The following CEACAM8 variants were observed in gnomAD, a reference collection of about 807,000 sequenced individuals.
CEACAM8 encodes the protein cell adhesion molecule CEACAM8.
Under a neutral mutation model 33.4 loss-of-function variants are expected in CEACAM8, and 31 were observed. The ratio of observed to expected loss-of-function variants is 0.93; its 90% confidence interval spans 0.70 to 1.25. CEACAM8 has a LOEUF of 1.25. CEACAM8 is among the 50% of genes most tolerant of loss of function. The pLI is 0.00. For synonymous variants in CEACAM8, 138 were observed against 164.5 expected (o/e 0.84, Z 1.23); for missense variants, 388 against 434.6 (o/e 0.89, Z 0.95).
Position 42,589,480 on chromosome 19 carries a change from T to C in CEACAM8, c.680A>G (p.Asp227Gly). The C allele has an allele frequency of 6.2e-7, 1 of 1,614,184 alleles. No individual in the cohort carries two copies. Among genetic ancestry groups the C allele is most frequent in the Non-Finnish European group, 8.5e-7 (1 of 1,180,026 alleles). The stretch of plus-strand genomic sequence containing the variant: ...ACAGAGGACATTCAGGGTGACTGGG[T>C]CACTGAAGTTTGCACTCGCTGGGTT... ...IQNPASANFS[D>G]PVTLNVLYGP... The change falls in exon 3 of 6, where the codon GAC (aspartate) becomes GGC (glycine). Residue 227 changes from aspartate to glycine, a missense_variant. By Grantham distance (94) the Asp-to-Gly change is moderately conservative (BLOSUM62 -1). Transcript: ENST00000244336.
intron 2 of CEACAM8, among the ~76,000 whole-genome samples, chr19:42,593,309 C>T (rs2042479797): frequency 6.6e-6 from 1 of 152,154 alleles, no homozygotes; most frequent in African/African-American, 2.4e-5. Flanking sequence ...CTGCTGAGTC[C>T]CCCCATCAGA....
chr19:42,591,757 A>G (rs2042444145), intron 2 of CEACAM8, among the ~76,000 whole-genome samples: 1 of 152,252 alleles, frequency 6.6e-6, no homozygotes. Context: ...CCCATCAGAC[A>G]GCACCTGCCT....
intron 2 of CEACAM8, among the ~76,000 whole-genome samples, chr19:42,592,923 A>C (rs1466136839): frequency 6.6e-6 from 1 of 152,220 alleles, no homozygotes; most frequent in Non-Finnish European, 1.5e-5. Context: ...AAGCTTGTCC[A>C]TCTGTCCTCT....
Position 42,593,632 on chromosome 19 carries a change from G to A in CEACAM8, c.333C>T (p.Asn111=), listed in dbSNP as rs779605001. The part of the protein sequence containing the change: ...IYPNASLLMR[N]VTRNDTGSYT... ...AGGATCCTGTGTCATTTCTGGTGAC[G>A]TTCCGCATCAGCAGGGATGCATTGG... Residue 111 remains asparagine (N), a synonymous_variant, in exon 2 of 6, where the codon AAC becomes AAT. Coordinates refer to ENST00000244336, the MANE Select transcript of CEACAM8 (RefSeq NM_001816.4). 8 of 1,613,806 alleles carry A rather than the reference G, an allele frequency of 5.0e-6. No individual in the cohort carries two copies. The highest frequency in any genetic ancestry group is 1.7e-5 in the Admixed American group (1 of 59,998).
intron 4 of CEACAM8, among the ~76,000 whole-genome samples, chr19:42,584,663 A>G (rs913704996): frequency 1.3e-5 from 2 of 152,228 alleles, no homozygotes; most frequent in Non-Finnish European, 2.9e-5. Flanking sequence ...TGTTACTGCA[A>G]TTTTCAGTTG....
chr19:42,589,485 G>C lies in CEACAM8; in HGVS notation c.675C>G (p.Phe225Leu), dbSNP rs2042394896. ...GGACATTCAGGGTGACTGGGTCACT[G>C]AAGTTTGCACTCGCTGGGTTCTGTA... is the stretch of plus-strand genomic sequence containing the variant. ...CEIQNPASAN[F>L]SDPVTLNVLY... Residue 225 changes from phenylalanine (F) to leucine (L), a missense_variant, in exon 3 of 6, where the codon TTC becomes TTG. Physicochemically the swap from Phe to Leu is conservative, Grantham distance 22. Coordinates refer to ENST00000244336, the MANE Select transcript of CEACAM8 (RefSeq NM_001816.4). The C allele has an allele frequency of 6.2e-7, 1 of 1,614,120 alleles. No homozygotes were observed. The highest frequency in any genetic ancestry group is 8.5e-7 in the Non-Finnish European group (1 of 1,180,046).
intron 2 of CEACAM8, among the ~76,000 whole-genome samples, chr19:42,591,519 T>A (rs2042438395): frequency 6.6e-6 from 1 of 152,248 alleles, no homozygotes; most frequent in Admixed American, 6.5e-5. Flanking sequence ...CCCTAATTCC[T>A]ATGCAGAGTT....
chr19:42,581,658 G>T (rs762798536), intron 5 of CEACAM8, among the ~76,000 whole-genome samples: 20 of 151,644 alleles, frequency 1.3e-4, no homozygotes, highest in Non-Finnish European at 2.2e-4. Context: ...TTGGGAGGCC[G>T]AGGCGGGTGG....
Position 42,593,621 on chromosome 19 carries a change from T to C in CEACAM8, c.344A>G (p.Asn115Ser). 1 of 1,613,498 alleles carries C rather than the reference T, an allele frequency of 6.2e-7. No individual in the cohort carries two copies. The part of the protein sequence containing the change: ...ASLLMRNVTR[N>S]DTGSYTLQVI... ...TTGTAGGGTGTAGGATCCTGTGTCATTTCTGGTGACGTTCCGCATCAGCAG... is the reference window on the plus strand; with the variant it reads ...TTGTAGGGTGTAGGATCCTGTGTCACTTCTGGTGACGTTCCGCATCAGCAG... Residue 115 changes from asparagine to serine, a missense_variant, in exon 2 of 6, where the codon AAT becomes AGT. Transcript: ENST00000244336.
In CEACAM8 at chr19:42,588,944, G is replaced by C; in HGVS notation, c.798C>G (p.Pro266=). The part of the protein sequence containing the change: ...NLSCHAASNP[P]SQYSWSVNGT... Reference sequence around the variant, plus strand: ...CATTGACAGACCAAGAATACTGTGAGGGTGGATTAGAGGCCGCATGGCAGG... The same window carrying C: ...CATTGACAGACCAAGAATACTGTGACGGTGGATTAGAGGCCGCATGGCAGG... Residue 266 remains proline (P), a synonymous_variant, in exon 4 of 6, where the codon CCC becomes CCG. Transcript: ENST00000244336. 1.2e-6 allele frequency: 2 copies of C among 1,614,192 alleles called. No homozygotes were observed. The highest frequency in any genetic ancestry group is 1.7e-6 in the Non-Finnish European group (2 of 1,180,022).
intron 2 of CEACAM8, among the ~76,000 whole-genome samples, chr19:42,592,036 C>G (rs573006790): frequency 3.9e-5 from 6 of 152,294 alleles, no homozygotes; most frequent in Non-Finnish European, 8.8e-5. Context: ...ACAGTTGGGG[C>G]AGGTGATTTA....
intron 2 of CEACAM8, among the ~76,000 whole-genome samples, chr19:42,593,308 C>T (rs1309898389): frequency 6.6e-6 from 1 of 152,120 alleles, no homozygotes; most frequent in South Asian, 2.1e-4. Context: ...TCTGCTGAGT[C>T]CCCCCATCAG....
chr19:42,585,663 G>A (rs1216953014), intron 4 of CEACAM8, among the ~76,000 whole-genome samples: 16 of 152,168 alleles, frequency 1.1e-4, no homozygotes, highest in Non-Finnish European at 1.5e-5. Flanking sequence ...AAGACTGAAA[G>A]CTTTCCCCCT....
intron 2 of CEACAM8, among the ~76,000 whole-genome samples, chr19:42,590,178 T>G (rs1001482903): frequency 1.3e-5 from 2 of 152,150 alleles, no homozygotes; most frequent in African/African-American, 4.8e-5. Context: ...AGATGGGAGA[T>G]GATGGGACAT....
At chr19:42,586,415 A>G (rs1316572893) in intron 4 of CEACAM8, among the ~76,000 whole-genome samples, 1 of 152,242 alleles carries the variant, frequency 6.6e-6, no homozygotes, top group Non-Finnish European at 1.5e-5. Flanking sequence ...TAGAACAGAA[A>G]GCCCAGAAAG....
chr19:42,591,574 C>T (rs547072704), intron 2 of CEACAM8, among the ~76,000 whole-genome samples: 14 of 152,348 alleles, frequency 9.2e-5, no homozygotes, highest in African/African-American at 3.4e-4. Context: ...GCAATGCTTT[C>T]TTCATTTTCT....
Position 42,593,777 on chromosome 19 carries a change from C to T in CEACAM8, c.188G>A (p.Arg63His), listed in dbSNP as rs372473875. ...TTCCCCTTTGTACCAGTTGTAGCCA[C>T]GAGGGTCCTGGGGCAGATTGTGGAC... ...LLVHNLPQDPRGYNWYKGETV... is the reference protein window; with the variant it reads ...LLVHNLPQDPHGYNWYKGETV... Residue 63 changes from arginine to histidine, a missense_variant, in exon 2 of 6, where the codon CGT (arginine) becomes CAT (histidine). Physicochemically the swap from Arg to His is conservative, Grantham distance 29. Transcript: ENST00000244336. 47 of 1,613,882 alleles carry T rather than the reference C, an allele frequency of 2.9e-5. No homozygotes were observed. Among genetic ancestry groups the T allele is most frequent in the East Asian group, 2.9e-4 (13 of 44,886 alleles).
rs147369220 is a variant in CEACAM8, at chr19:42,591,559, T to C, written c.425-1824A>G. Among the ~76,000 whole-genome samples the C allele has an allele frequency of 1.8e-4, 27 of 152,316 alleles. 1 individual carries two copies. Among genetic ancestry groups the C allele is most frequent in the African/African-American group, 6.0e-4 (25 of 41,562 alleles). The stretch of plus-strand genomic sequence containing the variant: ...AAAATTGGGAGGAGCCCAAAACAGG[T>C]ATGCGCAATGCTTTCTTCATTTTCT... On this transcript the variant is annotated intron_variant, in intron 2 of 5. Transcript: ENST00000244336.
In CEACAM8 at chr19:42,588,955, A is replaced by G. The variant is rs1458113503; in HGVS notation, c.787T>C (p.Ser263Pro). Residue 263 changes from serine to proline, a missense_variant, in exon 4 of 6, where the codon TCT (serine) becomes CCT (proline). By Grantham distance (74) the Ser-to-Pro change is moderately conservative (BLOSUM62 -1). Transcript: ENST00000244336. ...VNLNLSCHAA[S>P]NPPSQYSWSV... is the part of the protein sequence containing the mutation. Reference sequence around the variant, plus strand: ...CAAGAATACTGTGAGGGTGGATTAGAGGCCGCATGGCAGGAGAGGTTGAGA... The same window carrying G: ...CAAGAATACTGTGAGGGTGGATTAGGGGCCGCATGGCAGGAGAGGTTGAGA... 6.2e-7 allele frequency: 1 copy of G among 1,614,084 alleles called. No homozygotes were observed. Among genetic ancestry groups the G allele is most frequent in the African/African-American group, 1.3e-5 (1 of 74,932 alleles).
Sources: allele counts gnomAD v4.1 joint callset (sites outside exome capture counted in the v4.1 genomes callset), GRCh38; gene constraint gnomAD v4.1.1; transcripts MANE v1.5; gene names NCBI Gene and HGNC (gene_info 2026-07-23, HGNC 2026-07-21).